The following PLPPR4 variants were observed in gnomAD, a reference collection of about 807,000 sequenced individuals.
The protein encoded by PLPPR4 is phospholipid phosphatase related 4, also known as phospholipid phosphatase-related protein type 4.
In PLPPR4, 24 loss-of-function variants were observed where a neutral mutation model predicts 56.6. The observed-to-expected ratio is 0.42, with a 90% CI of 0.31 to 0.60. The LOEUF (loss-of-function observed/expected upper bound fraction) is 0.60, where lower values mean the gene tolerates loss of function less well. PLPPR4 is among the 20% of genes least tolerant of loss of function. The probability of loss-of-function intolerance (pLI) is 0.13; values close to 1 mark genes in which losing one functional copy is unlikely to be tolerated. For missense variants in PLPPR4, 654 were observed against 885.8 expected, an observed-to-expected ratio of 0.74 and a Z score of 3.32; for synonymous variants, 326 against 328.1, an observed-to-expected ratio of 0.99 and a Z score of 0.07.
Position 99,307,116 on chromosome 1 carries a change from C to G in PLPPR4, c.*106C>G. The G allele has an allele frequency of 7.3e-7, 1 of 1,361,492 alleles. No individual in the cohort carries two copies. 84.3% of individuals were successfully genotyped at this position (1,361,492 alleles called of 1,614,324 possible). A position where few individuals can be genotyped will look rare whatever the true frequency, so the allele number is the denominator to read the frequency against. ...AAGTCTCACCAAGCTAGATTGTCTA[C>G]CATCAGCCCAGAACTCTGTAACTTT... On this transcript the variant is annotated 3_prime_UTR_variant, in exon 7 of 7. Transcript: ENST00000370185.
At chr1:99,277,117 T>A (rs765818604) in intron 1 of PLPPR4, among the ~76,000 whole-genome samples, 1 of 152,194 alleles carries the variant, frequency 6.6e-6, no homozygotes, top group Non-Finnish European at 1.5e-5. Flanking sequence ...TGTCATGAAC[T>A]TTGCTCTTAA....
intron 1 of PLPPR4, among the ~76,000 whole-genome samples, chr1:99,266,528 A>G (rs1360682676): frequency 1.3e-5 from 2 of 152,248 alleles, no homozygotes; most frequent in African/African-American, 4.8e-5. Context: ...GTGTTTAGGA[A>G]CAGACATCTC....
chr1:99,295,857 A>C (rs1330601851), intron 2 of PLPPR4, among the ~76,000 whole-genome samples: 2 of 152,218 alleles, frequency 1.3e-5, no homozygotes, highest in Non-Finnish European at 2.9e-5. Flanking sequence ...GTCTAGTGAG[A>C]GACAGCCAAA....
chr1:99,299,599 A>C (rs1170186607), intron 4 of PLPPR4, among the ~76,000 whole-genome samples: 1 of 152,066 alleles, frequency 6.6e-6, no homozygotes, highest in Non-Finnish European at 1.5e-5. Flanking sequence ...TTAAAAACTA[A>C]ACACATATGA....
chr1:99,305,664 T>C (rs1190446455), intron 6 of PLPPR4, 21 bp from the exon 7 acceptor site: 1 of 1,595,790 alleles, frequency 6.3e-7, no homozygotes, highest in Non-Finnish European at 8.5e-7. Context: ...ATGATATTTA[T>C]TGCTTTCTCT....
rs528230388 is a variant in PLPPR4 at position 99,284,975 on chromosome 1, G to A, written c.79-2990G>A. ...GCAGTGGGTAAATATTTCCTAAAAA[G>A]AAGTACTAGGGGATTAAAACTGAAG... is the stretch of plus-strand genomic sequence containing the variant. On this transcript the variant is annotated intron_variant, in intron 1 of 6. Transcript: ENST00000370185. 1.7e-3 allele frequency among the ~76,000 whole-genome samples: 260 copies of A among 152,188 alleles called. 1 individual carries two copies. Among genetic ancestry groups the A allele is most frequent in the African/African-American group, 6.0e-3 (248 of 41,550 alleles).
At chr1:99,269,125 T>C (rs1007785282) in intron 1 of PLPPR4, among the ~76,000 whole-genome samples, 5 of 152,148 alleles carry the variant, frequency 3.3e-5, no homozygotes, top group Admixed American at 2.6e-4. Context: ...CCTCCCTGTG[T>C]CCATGTGTTC....
At chr1:99,294,460 C>G (rs909826517) in intron 2 of PLPPR4, among the ~76,000 whole-genome samples, 3 of 152,082 alleles carry the variant, frequency 2.0e-5, no homozygotes, top group African/African-American at 7.2e-5. Context: ...CTTTAGGAGG[C>G]AGAGGCAGGT....
chr1:99,263,542 T>G (rs1401845013), upstream of PLPPR4, among the ~76,000 whole-genome samples: 2 of 152,114 alleles, frequency 1.3e-5, no homozygotes, highest in Non-Finnish European at 2.9e-5. Context: ...GGACATGTGA[T>G]CACAAAATTA....
chr1:99,289,346 T>A (rs905595191), intron 2 of PLPPR4, among the ~76,000 whole-genome samples: 1 of 152,048 alleles, frequency 6.6e-6, no homozygotes, highest in Non-Finnish European at 1.5e-5. Context: ...ATTTTTTAAT[T>A]CCCCAATATT....
chr1:99,273,224 C>T (rs1659101914), intron 1 of PLPPR4, among the ~76,000 whole-genome samples: 2 of 151,998 alleles, frequency 1.3e-5, no homozygotes, highest in Non-Finnish European at 2.9e-5. Context: ...GGCTGTCAAG[C>T]AACATAGAGG....
chr1:99,264,391 C>T, upstream of PLPPR4: 2 of 1,378,534 alleles, frequency 1.5e-6, no homozygotes, highest in Non-Finnish European at 1.9e-6. Context: ...GAGGACTGGC[C>T]CGCTCAGGGA....
rs1660027497 is a variant in PLPPR4, at chr1:99,306,268, C to T, written c.1406C>T (p.Pro469Leu). The change falls in exon 7 of 7, where the codon CCT (proline) becomes CTT (leucine). Residue 469 changes from proline (P) to leucine (L), a missense_variant. This residue lies in a region of PLPPR4 where 468 missense variants were observed against 554.3 expected (regional missense o/e 0.84). Transcript: ENST00000370185. This position sits in a 1 kb window ranked among gnomAD's most constrained non-coding sequence, Gnocchi z 4.0. ...GAVPGCNNSM[P>L]GGPRVSIQSR... is the part of the protein sequence containing the mutation. ...GTCCCCGGATGTAACAACAGCATGC[C>T]TGGAGGGCCAAGAGTGTCCATTCAG... The T allele has an allele frequency of 6.2e-7, 1 of 1,614,060 alleles. No individual in the cohort carries two copies. Among genetic ancestry groups the T allele is most frequent in the South Asian group, 1.1e-5 (1 of 91,084 alleles).
At chr1:99,280,691 A>C (rs976499084) in intron 1 of PLPPR4, among the ~76,000 whole-genome samples, 2 of 152,192 alleles carry the variant, frequency 1.3e-5, no homozygotes, top group African/African-American at 4.8e-5. Flanking sequence ...CAGGGAGAAA[A>C]AAATTACATG....
At chr1:99,275,364 G>T (rs1413038168) in intron 1 of PLPPR4, among the ~76,000 whole-genome samples, 1 of 152,080 alleles carries the variant, frequency 6.6e-6, no homozygotes, top group Non-Finnish European at 1.5e-5. Context: ...TCAGACTAAT[G>T]GTTATTCCAT....
intron 4 of PLPPR4, 109 bp downstream of exon 4, chr1:99,299,339 T>C (rs1659823830): frequency 1.2e-6 from 1 of 815,676 alleles, no homozygotes; most frequent in Non-Finnish European, 1.9e-6. Context: ...TTTGTTTTTA[T>C]TTTTCTTTTC....
chr1:99,299,309 C>G (rs1266602020), intron 4 of PLPPR4, 79 bp downstream of exon 4: 4 of 966,366 alleles, frequency 4.1e-6, no homozygotes, highest in Non-Finnish European at 6.4e-6. Flanking sequence ...TTTAAGCATG[C>G]CTCTTTCAGT....
At position 99,299,214 on chromosome 1, in the gene PLPPR4, G is replaced by A. The variant is rs144588531; in HGVS notation, c.574G>A (p.Val192Ile). 49 of 1,612,658 alleles carry A rather than the reference G, an allele frequency of 3.0e-5. No individual in the cohort carries two copies. The African/African-American group carries it at 4.8e-4, about 16-fold the overall frequency. The stretch of plus-strand genomic sequence containing the variant: ...TATTTGCTCAGGATCTGACCTCACA[G>A]TTATCAACAGTGGCAGGTTAGAAAC... ...EDICSGSDLTVINSGRKSFPS... is the reference protein window; with the variant it reads ...EDICSGSDLTIINSGRKSFPS... The change falls in exon 4 of 7, where the codon GTT becomes ATT. Residue 192 changes from valine (V) to isoleucine (I), a missense_variant. Around this residue, in one of 2 missense-constraint regions of PLPPR4, gnomAD observed 186 missense variants for 331.4 expected, o/e 0.56. Transcript: ENST00000370185.
chr1:99,299,800 G>A (rs948935463), intron 4 of PLPPR4, among the ~76,000 whole-genome samples: 13 of 151,722 alleles, frequency 8.6e-5, no homozygotes, highest in Admixed American at 1.3e-4. Context: ...GGCCTTACAT[G>A]TCAGAAAATA....
Sources: allele counts gnomAD v4.1 joint callset (sites outside exome capture counted in the v4.1 genomes callset), GRCh38; gene constraint gnomAD v4.1.1; regional missense constraint gnomAD v4.1.1; non-coding constraint Gnocchi (gnomAD v3.1); transcripts MANE v1.5; gene names NCBI Gene and HGNC (gene_info 2026-07-23, HGNC 2026-07-21).